The following ZNF804A variants were observed in gnomAD, a reference collection of about 807,000 sequenced individuals.
ZNF804A encodes the protein zinc finger protein 804A.
Under a neutral mutation model 16.5 loss-of-function variants are expected in ZNF804A, and 2 were observed. The ratio of observed to expected loss-of-function variants is 0.12; its 90% CI spans 0.05 to 0.38. The LOEUF (loss-of-function observed/expected upper bound fraction) is 0.38, where lower values mean the gene tolerates loss of function less well. Among genes scored for constraint, ZNF804A ranks in the 10% least tolerant of loss-of-function variants. The pLI, the probability that ZNF804A is intolerant of heterozygous loss-of-function variation, is 0.99. For synonymous variants in ZNF804A, 534 were observed against 489.6 expected, an observed-to-expected ratio of 1.09 and a Z score of -1.20; for missense variants, 1,473 against 1,390.7, an observed-to-expected ratio of 1.06 and a Z score of -0.94.
intron 1 of ZNF804A, among the ~76,000 whole-genome samples, chr2:184,759,849 TTGAC>T (rs1307818282): frequency 6.6e-6 from 1 of 152,012 alleles, no homozygotes; most frequent in Non-Finnish European, 1.5e-5. Context: ...CAACCCCTCT[TTGAC>T]TGTAATTTTC....
chr2:184,791,244 A>G (rs906527092), intron 1 of ZNF804A, among the ~76,000 whole-genome samples: 1 of 151,808 alleles, frequency 6.6e-6, no homozygotes, highest in Non-Finnish European at 1.5e-5. Flanking sequence ...TGAAGTTTTG[A>G]TTGTTGCTTT....
At position 184,937,016 on chromosome 2, in the gene ZNF804A, AAAT is replaced by A. The variant is rs1474178599; in HGVS notation, c.1621_1623del (p.Asn541del). The A allele has an allele frequency of 6.2e-7, 1 of 1,613,440 alleles. No individual in the cohort carries two copies. Among genetic ancestry groups the A allele is most frequent in the Non-Finnish European group, 8.5e-7 (1 of 1,179,762 alleles). On this transcript the variant is annotated inframe_deletion, in exon 4 of 4. Transcript: ENST00000302277. Reference sequence around the variant, plus strand: ...TCTCCAGTAGTTGTGATTCTGGAAAAAATGAGAACACAGGTCAGAGGTATAAAA... The same window carrying A: ...TCTCCAGTAGTTGTGATTCTGGAAAAGAGAACACAGGTCAGAGGTATAAAA...
At chr2:184,696,070 C>T (rs781703923) in intron 1 of ZNF804A, among the ~76,000 whole-genome samples, 9 of 152,036 alleles carry the variant, frequency 5.9e-5, no homozygotes, top group Non-Finnish European at 7.4e-5. Flanking sequence ...TTCATTTCTA[C>T]ACTTCTATAA....
At chr2:184,649,277 A>C (rs1191019522) in intron 1 of ZNF804A, among the ~76,000 whole-genome samples, 1 of 152,132 alleles carries the variant, frequency 6.6e-6, no homozygotes, top group East Asian at 1.9e-4. Context: ...GATGCAGCAA[A>C]AGCTGTGTTA....
At chr2:184,614,308 T>G (rs1691285718) in intron 1 of ZNF804A, among the ~76,000 whole-genome samples, 2 of 152,152 alleles carry the variant, frequency 1.3e-5, no homozygotes, top group Non-Finnish European at 2.9e-5. Context: ...GATTTAAACA[T>G]AAGACCTAAA....
intron 1 of ZNF804A, among the ~76,000 whole-genome samples, chr2:184,854,959 A>T (rs6748925): frequency 0.16 from 23,729 of 152,100 alleles, 3,332 homozygotes; most frequent in African/African-American, 0.38. Flanking sequence ...TTTAAAAAAA[A>T]TGTGTTGATA....
At chr2:184,885,703 G>A (rs180701342) in intron 2 of ZNF804A, among the ~76,000 whole-genome samples, 10 of 152,180 alleles carry the variant, frequency 6.6e-5, no homozygotes, top group Admixed American at 2.0e-4. Flanking sequence ...CTTACATGGC[G>A]GCAGCAAGAG....
chr2:184,753,616 C>G (rs1183779217), intron 1 of ZNF804A, among the ~76,000 whole-genome samples: 1 of 151,770 alleles, frequency 6.6e-6, no homozygotes, highest in Non-Finnish European at 1.5e-5. Flanking sequence ...TCTAGTGTTA[C>G]CTGTAGCAGT....
chr2:184,748,036 A>G (rs1693820480), intron 1 of ZNF804A, among the ~76,000 whole-genome samples: 1 of 151,380 alleles, frequency 6.6e-6, no homozygotes, highest in South Asian at 2.1e-4. Flanking sequence ...CCAGTCCACT[A>G]TTGATAGGCA....
intron 1 of ZNF804A, among the ~76,000 whole-genome samples, chr2:184,747,958 T>C (rs1487705279): frequency 6.6e-6 from 1 of 151,566 alleles, no homozygotes; most frequent in African/African-American, 2.4e-5. Flanking sequence ...TCCAGCTCCA[T>C]CCATGTTACT....
chr2:184,770,598 C>T (rs536408701), intron 1 of ZNF804A, among the ~76,000 whole-genome samples: 1 of 132,176 alleles, frequency 7.6e-6, no homozygotes, highest in Non-Finnish European at 1.5e-5. Flanking sequence ...TATAAAAAAG[C>T]GGACAAAGTT....
intron 1 of ZNF804A, among the ~76,000 whole-genome samples, chr2:184,735,457 G>A (rs1574186983): frequency 1.3e-5 from 2 of 152,246 alleles, no homozygotes; most frequent in East Asian, 1.9e-4. Context: ...TGGGGTGTTA[G>A]GGAAGGGATA....
chr2:184,875,128 T>C (rs1295314773), intron 2 of ZNF804A, among the ~76,000 whole-genome samples: 2 of 152,222 alleles, frequency 1.3e-5, no homozygotes, highest in African/African-American at 4.8e-5. Context: ...TTGGATACTT[T>C]TTAAAAAGAT....
chr2:184,700,501 G>A (rs181469148), intron 1 of ZNF804A, among the ~76,000 whole-genome samples: 4 of 152,076 alleles, frequency 2.6e-5, no homozygotes, highest in Admixed American at 6.5e-5. Context: ...AAATGATTGC[G>A]AGTAGAATAA....
At chr2:184,723,106 G>C (rs1268093234) in intron 1 of ZNF804A, among the ~76,000 whole-genome samples, 1 of 151,772 alleles carries the variant, frequency 6.6e-6, no homozygotes, top group Non-Finnish European at 1.5e-5. Flanking sequence ...AAATAACCCT[G>C]TACCATGTTA....
intron 2 of ZNF804A, among the ~76,000 whole-genome samples, chr2:184,893,117 A>G (rs1685014015): frequency 6.6e-6 from 1 of 152,096 alleles, no homozygotes; most frequent in Admixed American, 6.5e-5. Flanking sequence ...TTTTCAATTT[A>G]ATATATAAAA....
rs758490267 is a variant in ZNF804A at position 184,758,037 on chromosome 2, G to T, written c.112-108332G>T. Among the ~76,000 whole-genome samples the T allele has an allele frequency of 4.6e-5, 7 of 151,952 alleles. 1 individual carries two copies. Among genetic ancestry groups the T allele is most frequent in the Non-Finnish European group, 1.0e-4 (7 of 67,916 alleles). ...ATTGCAAAGCCTGGGAGGTATTGTT[G>T]CTTAGCATTGTGCAGGAAAAGCTAT... is the stretch of plus-strand genomic sequence containing the variant. On this transcript the variant is annotated intron_variant, in intron 1 of 3. Coordinates refer to ENST00000302277, the MANE Select transcript of ZNF804A (RefSeq NM_194250.2).
At chr2:184,895,401 A>G (rs977910662) in intron 2 of ZNF804A, among the ~76,000 whole-genome samples, 1 of 152,240 alleles carries the variant, frequency 6.6e-6, no homozygotes, top group African/African-American at 2.4e-5. Flanking sequence ...TATTGTTATG[A>G]ACAAAGTCAG....
At chr2:184,699,150 T>C (rs573698258) in intron 1 of ZNF804A, among the ~76,000 whole-genome samples, 19 of 152,224 alleles carry the variant, frequency 1.2e-4, no homozygotes, top group African/African-American at 4.6e-4. Context: ...ATGCTAACAA[T>C]ATATGGCTAT....
Sources: allele counts gnomAD v4.1 joint callset (sites outside exome capture counted in the v4.1 genomes callset), GRCh38; gene constraint gnomAD v4.1.1; transcripts MANE v1.5; gene names NCBI Gene and HGNC (gene_info 2026-07-23, HGNC 2026-07-21).